The following SYT16 variants were observed in gnomAD, a reference collection of about 807,000 sequenced individuals.
The protein encoded by SYT16 is synaptotagmin-16.
In SYT16, 42 loss-of-function variants were observed where a neutral mutation model predicts 61.4. The ratio of observed to expected loss-of-function variants is 0.68; its 90% CI spans 0.53 to 0.89. SYT16 has a LOEUF of 0.89. Ranked by LOEUF, SYT16 falls within the 40% of genes least tolerant of loss-of-function variation. SYT16 has a pLI of 0.00. For synonymous variants in SYT16, 314 were observed against 302.3 expected, an observed-to-expected ratio of 1.04 and a Z score of -0.40; for missense variants, 804 against 807.3, an observed-to-expected ratio of 1.00 and a Z score of 0.05.
At chr14:61,950,902 C>T (rs2050643988) in intron 1 of SYT16, among the ~76,000 whole-genome samples, 1 of 152,028 alleles carries the variant, frequency 6.6e-6, no homozygotes, top group Non-Finnish European at 1.5e-5. Context: ...TTCTTTTCCC[C>T]CAGAAATTAA....
chr14:61,952,781 A>G (rs113064707), intron 1 of SYT16, among the ~76,000 whole-genome samples: 5 of 152,006 alleles, frequency 3.3e-5, no homozygotes, highest in Non-Finnish European at 7.4e-5. Context: ...TTTTTTTCCT[A>G]TTTTTTGAAA....
At chr14:62,033,861 A>T in intron 3 of SYT16, among the ~76,000 whole-genome samples, 1 of 152,122 alleles carries the variant, frequency 6.6e-6, no homozygotes, top group East Asian at 1.9e-4. Flanking sequence ...GATATATTGG[A>T]TGTTATTGAA....
intron 5 of SYT16, among the ~76,000 whole-genome samples, chr14:62,078,254 T>C (rs2056584577): frequency 6.6e-6 from 1 of 151,802 alleles, no homozygotes. Flanking sequence ...GAAAGGAGAC[T>C]GTATGTTTCA....
At chr14:61,907,549 C>T (rs143353831) in intron 1 of SYT16, among the ~76,000 whole-genome samples, 9 of 152,308 alleles carry the variant, frequency 5.9e-5, no homozygotes, top group African/African-American at 1.7e-4. Context: ...TGCAAGCAGA[C>T]TCACACACAT....
intron 2 of SYT16, among the ~76,000 whole-genome samples, chr14:61,990,157 GTTC>G (rs956613524): frequency 2.6e-5 from 4 of 152,072 alleles, no homozygotes; most frequent in African/African-American, 9.7e-5. Flanking sequence ...CTATTTTATA[GTTC>G]TTATTTTGAC....
intron 1 of SYT16, among the ~76,000 whole-genome samples, chr14:61,908,842 T>G (rs1023912807): frequency 3.9e-5 from 6 of 152,146 alleles, no homozygotes; most frequent in African/African-American, 1.2e-4. Flanking sequence ...TTCTTCTCTT[T>G]GACAGAATCT....
intron 3 of SYT16, among the ~76,000 whole-genome samples, chr14:62,008,153 C>T (rs77586628): frequency 0.054 from 8,253 of 152,052 alleles, 280 homozygotes; most frequent in African/African-American, 0.091. Context: ...CTTCTTCCCT[C>T]TTCCATTCTT....
At position 62,100,462 on chromosome 14, in the gene SYT16, C is replaced by T. The variant is rs746396262; in HGVS notation, c.1693C>T (p.Arg565Trp). ...QEMSRCKTSI[R>W]RGQPNPVYKE... ...GATGTCCCGTTGCAAGACGTCCATT[C>T]GGCGTGGTCAGCCCAATCCTGTCTA... The change falls in exon 8 of 8, where the codon CGG (arginine) becomes TGG (tryptophan). Residue 565 changes from arginine to tryptophan, a missense_variant. Physicochemically the swap from Arg to Trp is moderately radical, Grantham distance 101. Coordinates refer to ENST00000683842, the MANE Select transcript of SYT16 (RefSeq NM_001367656.1). 23 of 1,613,202 alleles carry T rather than the reference C, an allele frequency of 1.4e-5. No homozygotes were observed. Among genetic ancestry groups the T allele is most frequent in the African/African-American group, 2.7e-5 (2 of 74,870 alleles).
intron 1 of SYT16, among the ~76,000 whole-genome samples, chr14:61,836,827 A>G (rs2046145667): frequency 6.6e-6 from 1 of 152,194 alleles, no homozygotes; most frequent in African/African-American, 2.4e-5. Context: ...CTTTCATTGA[A>G]TTTCTAAACT....
intron 1 of SYT16, among the ~76,000 whole-genome samples, chr14:61,824,813 C>T (rs1466273587): frequency 6.6e-6 from 1 of 152,130 alleles, no homozygotes; most frequent in East Asian, 1.9e-4. Context: ...GTCAAAACTA[C>T]TTTCATAATA....
intron 1 of SYT16, among the ~76,000 whole-genome samples, chr14:61,915,763 T>C (rs949101108): frequency 9.9e-5 from 15 of 152,226 alleles, no homozygotes. Flanking sequence ...CAATTGATCT[T>C]TCTATGGTCA....
At chr14:61,878,306 TCC>T (rs2047572225) in intron 1 of SYT16, among the ~76,000 whole-genome samples, 1 of 152,216 alleles carries the variant, frequency 6.6e-6, no homozygotes, top group African/African-American at 2.4e-5. Context: ...ATTTCTTGCC[TCC>T]TTTTTGCTCA....
At chr14:61,978,118 T>C (rs1295599018) in intron 2 of SYT16, among the ~76,000 whole-genome samples, 2 of 152,192 alleles carry the variant, frequency 1.3e-5, no homozygotes, top group Non-Finnish European at 1.5e-5. Context: ...AAATTCTTCA[T>C]TTGATTACAT....
chr14:62,022,056 A>C (rs1425463474), intron 3 of SYT16, among the ~76,000 whole-genome samples: 1 of 145,210 alleles, frequency 6.9e-6, no homozygotes, highest in Non-Finnish European at 1.5e-5. Context: ...TTTTTTTTTT[A>C]AGGAGTGGGA....
At chr14:62,046,937 G>A (rs1445743254) in intron 3 of SYT16, among the ~76,000 whole-genome samples, 1 of 152,180 alleles carries the variant, frequency 6.6e-6, no homozygotes, top group Non-Finnish European at 1.5e-5. Flanking sequence ...GGCAATGCGG[G>A]CTCTTTTTTG....
intron 1 of SYT16, among the ~76,000 whole-genome samples, chr14:61,952,804 C>T (rs181738500): frequency 2.2e-3 from 336 of 152,122 alleles, no homozygotes; most frequent in Non-Finnish European, 3.6e-3. Flanking sequence ...TCTATTTTTT[C>T]CTTCCAAAGA....
At chr14:62,015,246 T>G (rs1454756176) in intron 3 of SYT16, among the ~76,000 whole-genome samples, 1 of 151,958 alleles carries the variant, frequency 6.6e-6, no homozygotes, top group Non-Finnish European at 1.5e-5. Flanking sequence ...CAATAATTTT[T>G]ACATTGCCAG....
At chr14:61,885,733 C>T (rs75804685) in intron 1 of SYT16, among the ~76,000 whole-genome samples, 1 of 152,206 alleles carries the variant, frequency 6.6e-6, no homozygotes, top group African/African-American at 2.4e-5. Flanking sequence ...TTTGGTTTCT[C>T]AGTGCGTATA....
At chr14:61,951,193 CT>C (rs2140476152) in intron 1 of SYT16, among the ~76,000 whole-genome samples, 1 of 152,208 alleles carries the variant, frequency 6.6e-6, no homozygotes, top group Non-Finnish European at 1.5e-5. Flanking sequence ...GACAGGTAAC[CT>C]TTTGAACACA....
Sources: gnomAD v4.1 joint callset for allele counts (sites outside exome capture counted in the v4.1 genomes callset) on GRCh38, gnomAD v4.1.1 for gene constraint, MANE v1.5 for transcripts, NCBI Gene and HGNC (gene_info 2026-07-23, HGNC 2026-07-21) for gene names.